MYT1L: variants seen among roughly 807,000 people sequenced by gnomAD.
The protein encoded by MYT1L is myelin transcription factor 1-like protein.
MYT1L carries 12 observed loss-of-function variants against 126.7 expected under a neutral mutation model. That is an observed-to-expected ratio of 0.09 (90% CI 0.06 to 0.15). The LOEUF is 0.15. MYT1L is among the 10% of genes least tolerant of loss of function. The probability of loss-of-function intolerance (pLI) is 1.00; values close to 1 mark genes in which losing one functional copy is unlikely to be tolerated. For synonymous variants in MYT1L, 541 were observed against 604.2 expected (o/e 0.90, Z 1.53); for missense variants, 979 against 1,585.2 (o/e 0.62, Z 6.49).
intron 2 of MYT1L, among the ~76,000 whole-genome samples, chr2:2,261,738 G>A (rs1559488295): frequency 1.3e-5 from 2 of 152,162 alleles, no homozygotes; most frequent in Non-Finnish European, 2.9e-5. Flanking sequence ...TTAGGCAGTG[G>A]CCTAATGATG....
At chr2:2,138,884 G>A (rs1194107102) in intron 3 of MYT1L, among the ~76,000 whole-genome samples, 1 of 150,314 alleles carries the variant, frequency 6.7e-6, no homozygotes, top group African/African-American at 2.4e-5. Context: ...GCCTCCGAAA[G>A]CCTGGTGTGG....
intron 22 of MYT1L, among the ~76,000 whole-genome samples, chr2:1,805,415 A>T (rs1289363322): frequency 6.6e-6 from 1 of 152,186 alleles, no homozygotes; most frequent in East Asian, 1.9e-4. Flanking sequence ...GTTACACTGA[A>T]GGTATAAAAA....
At chr2:2,302,665 G>A (rs949173415) in intron 1 of MYT1L, among the ~76,000 whole-genome samples, 3 of 152,226 alleles carry the variant, frequency 2.0e-5, no homozygotes, top group Middle Eastern at 3.4e-3. Flanking sequence ...GGCTGGGATC[G>A]AACAAAAAGT....
At chr2:1,809,044 A>G (rs1441262559) in intron 22 of MYT1L, 32 bp downstream of exon 22, 14 of 1,606,386 alleles carry the variant, frequency 8.7e-6, no homozygotes, top group East Asian at 2.2e-5. Flanking sequence ...CTTCCTGACC[A>G]TGGGTGCCAC....
At position 1,891,612 on chromosome 2, in the gene MYT1L, C is replaced by T. The variant is rs2048887844; in HGVS notation, c.2283+425G>A. 2.6e-5 allele frequency among the ~76,000 whole-genome samples: 4 copies of T among 152,276 alleles called. 1 individual carries two copies. The highest frequency in any genetic ancestry group is 4.1e-4 in the South Asian group (2 of 4,824). ...TTCCTTTCCCTGCTACCCAGGAGTC[C>T]ATAGGCAGATCCCTGCATTTCACGT... On this transcript the variant is annotated intron_variant, in intron 15 of 24. Transcript: ENST00000647738.
At chr2:2,252,123 G>A (rs182114095) in intron 2 of MYT1L, among the ~76,000 whole-genome samples, 3 of 152,226 alleles carry the variant, frequency 2.0e-5, no homozygotes, top group East Asian at 1.9e-4. Context: ...TTCCAGTGGT[G>A]GAGAGAAGAC....
chr2:2,074,423 C>A (rs2074986497), intron 3 of MYT1L, among the ~76,000 whole-genome samples: 3 of 152,208 alleles, frequency 2.0e-5, no homozygotes, highest in South Asian at 4.1e-4. Context: ...GTGCTCATAC[C>A]TTTACCAAAG....
At chr2:2,249,487 T>G (rs1033477402) in intron 2 of MYT1L, among the ~76,000 whole-genome samples, 1 of 151,272 alleles carries the variant, frequency 6.6e-6, no homozygotes, top group African/African-American at 2.4e-5. Flanking sequence ...TATTAAAATA[T>G]CAATGACATT....
chr2:2,113,392 C>T (rs941837386), intron 3 of MYT1L, among the ~76,000 whole-genome samples: 1 of 152,156 alleles, frequency 6.6e-6, no homozygotes, highest in Non-Finnish European at 1.5e-5. Flanking sequence ...GAGAATGAAG[C>T]GACAGGCACG....
chr2:2,227,081 A>G (rs1433398034), intron 2 of MYT1L, among the ~76,000 whole-genome samples: 1 of 151,200 alleles, frequency 6.6e-6, no homozygotes, highest in African/African-American at 2.4e-5. Flanking sequence ...TCTGATTTCC[A>G]GGACACCACT....
At chr2:2,031,276 G>T (rs564626945) in intron 4 of MYT1L, among the ~76,000 whole-genome samples, 90 of 152,358 alleles carry the variant, frequency 5.9e-4, no homozygotes, top group African/African-American at 2.0e-3. Flanking sequence ...TGGGAGAGGT[G>T]CTCAGGATGG....
intron 3 of MYT1L, among the ~76,000 whole-genome samples, chr2:2,066,754 G>A (rs2073932008): frequency 6.6e-6 from 1 of 152,200 alleles, no homozygotes; most frequent in South Asian, 2.1e-4. Context: ...GTCCTCAGAA[G>A]AACTGACCAA....
At chr2:1,809,284 T>C in intron 21 of MYT1L, 117 bp from the exon 22 acceptor site, 1 of 958,140 alleles carries the variant, frequency 1.0e-6, no homozygotes, top group Admixed American at 1.8e-5. Context: ...AGCAAAAGGC[T>C]GTCTGAAAAT....
In MYT1L at chr2:1,910,420, C is replaced by T. The variant is rs1490007519; in HGVS notation, c.1710-73G>A. The T allele has an allele frequency of 5.8e-6, 8 of 1,371,354 alleles. No individual in the cohort carries two copies. The highest frequency in any genetic ancestry group is 1.2e-5 in the South Asian group (1 of 83,214). 84.9% of individuals were successfully genotyped at this position (1,371,354 alleles called of 1,614,324 possible). A position where few individuals can be genotyped will look rare whatever the true frequency, so the allele number is the denominator to read the frequency against. ...ACAGCACACTAATCCTCCCTTAGCA[C>T]CAAGACCCTGATGCAGGTGGAGCTG... On this transcript the variant is annotated intron_variant, in intron 12 of 24. Coordinates refer to ENST00000647738, the MANE Select transcript of MYT1L (RefSeq NM_001303052.2). This position sits in a 1 kb window ranked among gnomAD's most constrained non-coding sequence, Gnocchi z 4.8.
rs558117032 is a variant in MYT1L, at chr2:2,128,662, T to C, written c.-304+44210A>G. On this transcript the variant is annotated intron_variant, in intron 3 of 24. Transcript: ENST00000647738. ...TAATTAAAATTTATAATGGTTATTA[T>C]ACCTACAAATTAAAGGAAATAAATG... 6.6e-5 allele frequency among the ~76,000 whole-genome samples: 10 copies of C among 152,336 alleles called. No homozygotes were observed. The South Asian group carries it at 1.7e-3, about 25-fold the overall frequency.
intron 8 of MYT1L, among the ~76,000 whole-genome samples, chr2:1,952,408 T>C (rs1241743389): frequency 6.6e-6 from 1 of 152,136 alleles, no homozygotes; most frequent in East Asian, 1.9e-4. Context: ...CTCTCGGGCT[T>C]TGACCATTTG....
intron 3 of MYT1L, among the ~76,000 whole-genome samples, chr2:2,135,702 TG>T (rs1409359316): frequency 6.6e-6 from 1 of 152,162 alleles, no homozygotes; most frequent in Non-Finnish European, 1.5e-5. Flanking sequence ...TTGTACTCTA[TG>T]GAAAAAGCCA....
At chr2:1,826,432 G>A (rs1056022563) in intron 21 of MYT1L, among the ~76,000 whole-genome samples, 62 of 152,282 alleles carry the variant, frequency 4.1e-4, no homozygotes, top group African/African-American at 1.3e-3. Context: ...AAGCAGGGTC[G>A]CGCTCCACCC....
intron 14 of MYT1L, among the ~76,000 whole-genome samples, chr2:1,895,082 A>G (rs1482342927): frequency 2.6e-5 from 4 of 152,348 alleles, no homozygotes; most frequent in South Asian, 2.1e-4. Context: ...CTCACCATCA[A>G]TCAAGCAGGC....
Sources: gnomAD v4.1 joint callset for allele counts (sites outside exome capture counted in the v4.1 genomes callset) on GRCh38, gnomAD v4.1.1 for gene constraint, Gnocchi (gnomAD v3.1) non-coding constraint, MANE v1.5 for transcripts, NCBI Gene and HGNC (gene_info 2026-07-23, HGNC 2026-07-21) for gene names.